Variants in NALF1 observed in about 807,000 individuals in gnomAD.
NALF1 encodes NALCN channel auxiliary factor 1.
A neutral mutation model predicts 48.4 loss-of-function variants in NALF1; 3 were observed. The ratio of observed to expected loss-of-function variants is 0.06; its 90% confidence interval spans 0.03 to 0.16. The LOEUF is 0.16. Ranked by LOEUF, NALF1 falls within the 10% of genes least tolerant of loss-of-function variation. The pLI, the probability that NALF1 is intolerant of heterozygous loss-of-function variation, is 1.00. For synonymous variants in NALF1, 262 were observed against 245.7 expected, an observed-to-expected ratio of 1.07 and a Z score of -0.62; for missense variants, 526 against 571.5, an observed-to-expected ratio of 0.92 and a Z score of 0.81.
intron 1 of NALF1, among the ~76,000 whole-genome samples, chr13:107,621,910 C>T (rs1007226296): frequency 2.0e-5 from 3 of 152,066 alleles, no homozygotes; most frequent in African/African-American, 7.2e-5. Context: ...TTGGTTCCAC[C>T]ACGGATAACT....
intron 1 of NALF1, among the ~76,000 whole-genome samples, chr13:107,600,588 G>C (rs954251454): frequency 6.6e-6 from 1 of 152,146 alleles, no homozygotes; most frequent in Non-Finnish European, 1.5e-5. Context: ...TAAGTCACAT[G>C]TTTATTGTGT....
chr13:107,319,399 A>G (rs777735762), intron 1 of NALF1, among the ~76,000 whole-genome samples: 11 of 152,050 alleles, frequency 7.2e-5, no homozygotes, highest in Non-Finnish European at 1.6e-4. Context: ...GCAGTATTTA[A>G]TGGAGATATG....
At chr13:107,735,087 C>G (rs1594235215) in intron 1 of NALF1, among the ~76,000 whole-genome samples, 1 of 151,996 alleles carries the variant, frequency 6.6e-6, no homozygotes, top group Admixed American at 6.6e-5. Context: ...CAGGAAGCCT[C>G]GTGGGCTGAG....
At chr13:107,855,478 A>T (rs763169411) in intron 1 of NALF1, among the ~76,000 whole-genome samples, 98 of 152,170 alleles carry the variant, frequency 6.4e-4, no homozygotes, top group Non-Finnish European at 1.2e-3. Flanking sequence ...CCCCTGCTTT[A>T]CACCAAGCTG....
At chr13:107,579,744 A>C (rs1753496394) in intron 1 of NALF1, among the ~76,000 whole-genome samples, 1 of 151,378 alleles carries the variant, frequency 6.6e-6, no homozygotes, top group Non-Finnish European at 1.5e-5. Context: ...ACATATGTAT[A>C]CATGTGCCAT....
chr13:107,812,882 C>T lies in NALF1; in HGVS notation c.915+52800G>A, dbSNP rs146444567. On this transcript the variant is annotated intron_variant, in intron 1 of 2. Coordinates refer to ENST00000375915, the MANE Select transcript of NALF1 (RefSeq NM_001080396.3). ...GTGGTGTCATCTTGGCTCACTGCAA[C>T]TTTTGCCTTCCTACAGGCATGCATC... Among the ~76,000 whole-genome samples the T allele has an allele frequency of 3.3e-3, 506 of 151,990 alleles. 3 individuals carry two copies. The highest frequency in any genetic ancestry group is 0.012 in the African/African-American group (490 of 41,472).
chr13:107,794,483 T>TA (rs879499540), intron 1 of NALF1, among the ~76,000 whole-genome samples: 7 of 150,452 alleles, frequency 4.7e-5, no homozygotes, highest in African/African-American at 1.7e-4. Flanking sequence ...TTTTTTTTTT[T>TA]ATTGCAGGAA....
chr13:107,847,590 G>A (rs1244838573), intron 1 of NALF1, among the ~76,000 whole-genome samples: 1 of 152,208 alleles, frequency 6.6e-6, no homozygotes, highest in East Asian at 1.9e-4. Context: ...CAGATTGTAA[G>A]CTACTTTGGA....
At chr13:107,475,736 T>C (rs894258669) in intron 1 of NALF1, among the ~76,000 whole-genome samples, 1 of 152,208 alleles carries the variant, frequency 6.6e-6, no homozygotes, top group Non-Finnish European at 1.5e-5. Context: ...AGGGAATTCT[T>C]GTCTCTTCTA....
intron 1 of NALF1, among the ~76,000 whole-genome samples, chr13:107,720,591 G>C (rs754720089): frequency 1.4e-4 from 21 of 150,562 alleles, no homozygotes; most frequent in Non-Finnish European, 2.9e-4. Context: ...AACATGTGCA[G>C]AATTAAGTTT....
At chr13:107,791,873 T>C (rs1167262046) in intron 1 of NALF1, among the ~76,000 whole-genome samples, 1 of 151,876 alleles carries the variant, frequency 6.6e-6, no homozygotes, top group Non-Finnish European at 1.5e-5. Context: ...GGCAGAAGAA[T>C]TGCTTGAACC....
chr13:107,756,296 C>A (rs1048621590), intron 1 of NALF1, among the ~76,000 whole-genome samples: 5 of 151,976 alleles, frequency 3.3e-5, no homozygotes, highest in African/African-American at 1.2e-4. Flanking sequence ...CAGAGTGACA[C>A]CTGAATTCTA....
chr13:107,866,626 C>A lies in NALF1; in HGVS notation c.-30G>T. 1 of 1,566,710 alleles carries A rather than the reference C, an allele frequency of 6.4e-7. No individual in the cohort carries two copies. The highest frequency in any genetic ancestry group is 8.6e-7 in the Non-Finnish European group (1 of 1,162,128). On this transcript the variant is annotated 5_prime_UTR_variant, in exon 1 of 3. Transcript: ENST00000375915. This position sits in a 1 kb window ranked among gnomAD's most constrained non-coding sequence, Gnocchi z 4.4. ...TGGGAACGCACAGCCCTGGCCGACT[C>A]CACCGTGAGGGCGCCTGTGCCGGTG...
At chr13:107,332,911 T>C (rs1413948343) in intron 1 of NALF1, among the ~76,000 whole-genome samples, 1 of 152,206 alleles carries the variant, frequency 6.6e-6, no homozygotes, top group Non-Finnish European at 1.5e-5. Flanking sequence ...AATGGCATGA[T>C]CTCGGCTCAT....
chr13:107,242,620 C>T (rs1251703249), intron 1 of NALF1, among the ~76,000 whole-genome samples: 1 of 152,088 alleles, frequency 6.6e-6, no homozygotes, highest in African/African-American at 2.4e-5. Flanking sequence ...TAACACAATT[C>T]ATAAATAATT....
intron 1 of NALF1, among the ~76,000 whole-genome samples, chr13:107,835,029 A>G (rs1272943012): frequency 6.6e-6 from 1 of 152,220 alleles, no homozygotes; most frequent in Non-Finnish European, 1.5e-5. Flanking sequence ...TAGCATTAAT[A>G]CTTGCCTTTC....
At chr13:107,600,436 T>C (rs1878889115) in intron 1 of NALF1, among the ~76,000 whole-genome samples, 1 of 151,606 alleles carries the variant, frequency 6.6e-6, no homozygotes, top group Admixed American at 6.6e-5. Context: ...CTCAAACTAT[T>C]ATGTAGGTTA....
intron 1 of NALF1, among the ~76,000 whole-genome samples, chr13:107,323,388 A>G (rs1882292378): frequency 6.6e-6 from 1 of 152,210 alleles, no homozygotes; most frequent in South Asian, 2.1e-4. Flanking sequence ...AGAAAATTCA[A>G]CTGCACTGTT....
rs1878708646 is a variant in NALF1 at position 107,168,283 on chromosome 13, A to G, written c.*2214T>C. On this transcript the variant is annotated 3_prime_UTR_variant, in exon 3 of 3. Coordinates refer to ENST00000375915, the MANE Select transcript of NALF1 (RefSeq NM_001080396.3). ...GCTTCTCGTCCCCCCAGCGCCATTG[A>G]AATCTGTATTCCACCATTGGTTGGG... The G allele has an allele frequency of 6.6e-6, 1 of 152,298 alleles. No individual in the cohort carries two copies. Among genetic ancestry groups the G allele is most frequent in the Non-Finnish European group, 1.5e-5 (1 of 68,056 alleles). 9.4% of individuals were successfully genotyped at this position (152,298 alleles called of 1,614,324 possible).
Sources: gnomAD v4.1 joint callset for allele counts (sites outside exome capture counted in the v4.1 genomes callset) on GRCh38, gnomAD v4.1.1 for gene constraint, Gnocchi (gnomAD v3.1) non-coding constraint, MANE v1.5 for transcripts, NCBI Gene and HGNC (gene_info 2026-07-23, HGNC 2026-07-21) for gene names.